Variants in ADAD2 observed in about 807,000 individuals in gnomAD.
ADAD2 encodes the protein adenosine deaminase domain containing 2.
ADAD2 carries 60 observed loss-of-function variants against 54.5 expected under a neutral mutation model. The ratio of observed to expected loss-of-function variants is 1.10; its 90% confidence interval spans 0.89 to 1.36. ADAD2 has a LOEUF of 1.36. ADAD2 is among the 40% of genes most tolerant of loss of function. The pLI is 0.00. For synonymous variants in ADAD2, 543 were observed against 366.2 expected, an observed-to-expected ratio of 1.48 and a Z score of -5.51; for missense variants, 1,103 against 801.3, an observed-to-expected ratio of 1.38 and a Z score of -4.54.
At chr16:84,193,142 T>G (rs1031568904) in intron 1 of ADAD2, 3 of 152,206 alleles carry the variant, frequency 2.0e-5, no homozygotes, top group African/African-American at 7.2e-5. Context: ...CTATATTTCT[T>G]AAAAACAAGG....
chr16:84,191,431 T>G lies in ADAD2; in HGVS notation c.201T>G (p.Ser67Arg). Residue 67 changes from serine (S) to arginine (R), a missense_variant, in exon 1 of 10, where the codon AGT becomes AGG. Ser to Arg is a moderately radical substitution (Grantham distance 110, BLOSUM62 -1). Coordinates refer to ENST00000315906, the MANE Select transcript of ADAD2 (RefSeq NM_001145400.2). ...CCCAGGTCTCGGTGTTGAGGGACAG[T>G]GGGCCTGGGGCAGGGGCCGGAGTCG... The part of the protein sequence containing the change: ...GWPQVSVLRD[S>R]GPGAGAGVGE... 6.6e-7 allele frequency: 1 copy of G among 1,506,810 alleles called. No individual in the cohort carries two copies. Among genetic ancestry groups the G allele is most frequent in the African/African-American group, 1.4e-5 (1 of 71,232 alleles). The allele number at this position is 1,506,810 out of a possible 1,614,324, so 93.3% of individuals were successfully genotyped here. A position where few individuals can be genotyped will look rare whatever the true frequency, so the allele number is the denominator to read the frequency against.
chr16:84,196,071 G>T (rs757525623), intron 7 of ADAD2, 27 bp downstream of exon 7: 3 of 1,599,332 alleles, frequency 1.9e-6, no homozygotes, highest in East Asian at 2.2e-5. Flanking sequence ...GGCTGGGGGG[G>T]TGAGAAGGGA....
chr16:84,191,172 G>T lies in ADAD2; in HGVS notation c.-59G>T, dbSNP rs1454180145. 1.3e-6 allele frequency: 2 copies of T among 1,559,830 alleles called. No homozygotes were observed. The highest frequency in any genetic ancestry group is 1.7e-6 in the Non-Finnish European group (2 of 1,149,414). On this transcript the variant is annotated 5_prime_UTR_variant, in exon 1 of 10. Transcript: ENST00000315906. ...ACGTGAAGGCACCCGCCCTGCGCGT[G>T]TGAAAGGGCGAGAGCAGCGCGAGAT... is the stretch of plus-strand genomic sequence containing the variant.
At chr16:84,193,926 T>C (rs1360687028) in intron 1 of ADAD2, 2 of 1,376,274 alleles carry the variant, frequency 1.5e-6, no homozygotes, top group Non-Finnish European at 2.0e-6. Context: ...CCCTGCACCT[T>C]TGACCATGTG....
Position 84,194,917 on chromosome 16 carries a change from T to G in ADAD2, c.560-16T>G. Reference sequence around the variant, plus strand: ...CCTTGGCACCCACACCAGCCCGCCCTCCTTGCCTCTTTCAGAGTCCCCCCA... The same window carrying G: ...CCTTGGCACCCACACCAGCCCGCCCGCCTTGCCTCTTTCAGAGTCCCCCCA... On this transcript the variant is annotated splice_polypyrimidine_tract_variant and intron_variant, in intron 2 of 9. Coordinates refer to ENST00000315906, the MANE Select transcript of ADAD2 (RefSeq NM_001145400.2). The G allele has an allele frequency of 6.3e-7, 1 of 1,598,258 alleles. No individual in the cohort carries two copies. Among genetic ancestry groups the G allele is most frequent in the Non-Finnish European group, 8.5e-7 (1 of 1,172,856 alleles).
chr16:84,195,269 G>T (rs766604698), intron 4 of ADAD2, 27 bp from the exon 5 acceptor site: 2 of 1,611,808 alleles, frequency 1.2e-6, no homozygotes, highest in Non-Finnish European at 1.7e-6. Flanking sequence ...GCCTTAGGCT[G>T]GGCCGTCTCT....
In ADAD2 at chr16:84,195,369, T is replaced by G; in HGVS notation, c.807T>G (p.Cys269Trp). The G allele has an allele frequency of 2.5e-6, 4 of 1,609,576 alleles. No homozygotes were observed. The South Asian group carries it at 4.4e-5, about 18-fold the overall frequency. Residue 269 changes from cysteine to tryptophan, a missense_variant, in exon 5 of 10, where the codon TGT becomes TGG. Coordinates refer to ENST00000315906, the MANE Select transcript of ADAD2 (RefSeq NM_001145400.2). The stretch of plus-strand genomic sequence containing the variant: ...CTCTGGGCACCGGCAGCAGCTGCTG[T>G]GCTGGCTGGCTGGAGTTCTCGGGCC... ...LVALGTGSSCCAGWLEFSGQQ... is the reference protein window; with the variant it reads ...LVALGTGSSCWAGWLEFSGQQ...
rs760082026 is a variant in ADAD2 at position 84,191,661 on chromosome 16, C to T, written c.418+13C>T. ...GACCAGCCACCAGGTGAGGCCGGGC[C>T]GGGGCATGGCTGTGCCAGAGGGCAG... On this transcript the variant is annotated intron_variant, in intron 1 of 9. Coordinates refer to ENST00000315906, the MANE Select transcript of ADAD2 (RefSeq NM_001145400.2). 4.5e-6 allele frequency: 7 copies of T among 1,553,690 alleles called. No individual in the cohort carries two copies. The highest frequency in any genetic ancestry group is 1.4e-5 in the African/African-American group (1 of 73,400).
chr16:84,196,430 A>G lies in ADAD2; in HGVS notation c.1526+60A>G, dbSNP rs1046168862. 8.3e-6 allele frequency: 13 copies of G among 1,569,504 alleles called. No homozygotes were observed. The Middle Eastern group carries it at 1.2e-3, about 150-fold the overall frequency. ...AGTGCTGGTGATGGAGGGCTCATGC[A>G]TGAGCTTCCTCACCTCAGTCTAATC... is the stretch of plus-strand genomic sequence containing the variant. On this transcript the variant is annotated intron_variant, in intron 8 of 9. Coordinates refer to ENST00000315906, the MANE Select transcript of ADAD2 (RefSeq NM_001145400.2).
At chr16:84,196,469 TTCGCTCAA>T in intron 8 of ADAD2, 99 bp downstream of exon 8, 1 of 696,280 alleles carries the variant, frequency 1.4e-6, no homozygotes, top group East Asian at 4.0e-5. Flanking sequence ...GCGCAACCCC[TTCGCTCAA>T]CCCCTTCGCT....
In ADAD2 at chr16:84,191,318, C is replaced by T. The variant is rs752850039; in HGVS notation, c.88C>T (p.Arg30Cys). ...AASLQISPQP[R>C]PWRPLPAQAQ... ...ATCGTTGCAGATCAGCCCCCAGCCC[C>T]GCCCCTGGCGACCGCTACCCGCCCA... The change falls in exon 1 of 10, where the codon CGC (arginine) becomes TGC (cysteine). Residue 30 changes from arginine to cysteine, a missense_variant. Transcript: ENST00000315906. The T allele has an allele frequency of 1.9e-5, 30 of 1,586,772 alleles. No homozygotes were observed. In the Admixed American group the frequency reaches 2.1e-4, roughly 11 times the overall value.
rs375514079 is a variant in ADAD2, at chr16:84,194,936, C to T, written c.563C>T (p.Ser188Phe). The T allele has an allele frequency of 1.2e-6, 2 of 1,606,264 alleles. No homozygotes were observed. The highest frequency in any genetic ancestry group is 1.7e-6 in the Non-Finnish European group (2 of 1,176,414). ...YIRSQLENPESPQTSSRPPLA... is the reference protein window; with the variant it reads ...YIRSQLENPEFPQTSSRPPLA... Reference sequence around the variant, plus strand: ...CCGCCCTCCTTGCCTCTTTCAGAGTCCCCCCAGACCTCCAGCCGGCCTCCA... The same window carrying T: ...CCGCCCTCCTTGCCTCTTTCAGAGTTCCCCCAGACCTCCAGCCGGCCTCCA... The change falls in exon 3 of 10, where the codon TCC becomes TTC. Residue 188 changes from serine (S) to phenylalanine (F), a missense_variant. By Grantham distance (155) the Ser-to-Phe change is radical (BLOSUM62 -2). Transcript: ENST00000315906.
At position 84,196,985 on chromosome 16, in the gene ADAD2, G is replaced by C. The variant is rs371820085; in HGVS notation, c.*11G>C. On this transcript the variant is annotated 3_prime_UTR_variant, in exon 10 of 10. Transcript: ENST00000315906. The stretch of plus-strand genomic sequence containing the variant: ...AAATTCAGAAACTGAAGCCAGCCTC[G>C]GCGGGACCGAGGTCCCGGAGCCAAG... 1 of 1,581,846 alleles carries C rather than the reference G, an allele frequency of 6.3e-7. No individual in the cohort carries two copies. The highest frequency in any genetic ancestry group is 2.3e-5 in the East Asian group (1 of 43,622).
At position 84,196,012 on chromosome 16, in the gene ADAD2, T is replaced by G. The variant is rs745994557; in HGVS notation, c.1250T>G (p.Val417Gly). ...GLGGALLAHLVSPLYSTSLIL... is the reference protein window; with the variant it reads ...GLGGALLAHLGSPLYSTSLIL... ...GGTGGTGCCCTGCTGGCCCACCTGG[T>G]GTCCCCACTCTACAGCACCAGCCTC... is the stretch of plus-strand genomic sequence containing the variant. Residue 417 changes from valine (V) to glycine (G), a missense_variant, in exon 7 of 10, where the codon GTG (valine) becomes GGG (glycine). Val to Gly is a moderately radical substitution (Grantham distance 109). Transcript: ENST00000315906. The G allele has an allele frequency of 5.0e-6, 8 of 1,598,864 alleles. No homozygotes were observed. Among genetic ancestry groups the G allele is most frequent in the Non-Finnish European group, 6.8e-6 (8 of 1,179,720 alleles).
chr16:84,196,286 C>T lies in ADAD2; in HGVS notation c.1442C>T (p.Thr481Ile), dbSNP rs141742506. ...GCCCCTTCCGAACCCACCCCTGACA[C>T]CTGCCGTGGCCTGAGCCTCAACTGG... ...PVAPSEPTPD[T>I]CRGLSLNWSL... is the part of the protein sequence containing the mutation. Residue 481 changes from threonine (T) to isoleucine (I), a missense_variant, in exon 8 of 10, where the codon ACC becomes ATC. By Grantham distance (89) the Thr-to-Ile change is moderately conservative. Coordinates refer to ENST00000315906, the MANE Select transcript of ADAD2 (RefSeq NM_001145400.2). The T allele has an allele frequency of 0.013, 20,559 of 1,613,000 alleles. 142 individuals are homozygous for T. The highest frequency in any genetic ancestry group is 0.016 in the Non-Finnish European group (18,448 of 1,179,976).
Position 84,195,620 on chromosome 16 carries a change from C to A in ADAD2, c.975C>A (p.Pro325=). 6.2e-7 allele frequency: 1 copy of A among 1,604,950 alleles called. No individual in the cohort carries two copies. Among genetic ancestry groups the A allele is most frequent in the South Asian group, 1.1e-5 (1 of 90,064 alleles). Residue 325 remains proline, a synonymous_variant, in exon 6 of 10, where the codon CCC becomes CCA. Coordinates refer to ENST00000315906, the MANE Select transcript of ADAD2 (RefSeq NM_001145400.2). The part of the protein sequence containing the change: ...SVLAPQPGPG[P]PFTLKPRVFL... ...TGGCCCCCCAGCCAGGGCCCGGACC[C>A]CCATTCACCCTCAAGCCCCGCGTCT...
rs908084172 is a variant in ADAD2 at position 84,195,431 on chromosome 16, G to A, written c.869G>A (p.Arg290His). Residue 290 changes from arginine (R) to histidine (H), a missense_variant, in exon 5 of 10, where the codon CGC becomes CAC. By Grantham distance (29) the Arg-to-His change is conservative (BLOSUM62 0). Transcript: ENST00000315906. ...LHDCHGLVIA[R>H]RALLRFLFRQ... is the part of the protein sequence containing the mutation. ...GACTGCCATGGCCTGGTCATCGCCC[G>A]CAGGGCCCTGCTGAGGTGAGGGGCA... 20 of 1,609,282 alleles carry A rather than the reference G, an allele frequency of 1.2e-5. No individual in the cohort carries two copies. The highest frequency in any genetic ancestry group is 1.2e-4 in the Admixed American group (7 of 59,902).
chr16:84,194,325 G>A (rs749919171), intron 1 of ADAD2, 117 bp from the exon 2 acceptor site: 1 of 1,543,518 alleles, frequency 6.5e-7, no homozygotes, highest in Non-Finnish European at 8.8e-7. Context: ...AGGGAAGGGT[G>A]GTGAGGGTCT....
rs766129197 is a variant in ADAD2 at position 84,195,591 on chromosome 16, G to A, written c.946G>A (p.Val316Met). Residue 316 changes from valine (V) to methionine (M), a missense_variant, in exon 6 of 10, where the codon GTG becomes ATG. Physicochemically the swap from Val to Met is conservative, Grantham distance 21. Coordinates refer to ENST00000315906, the MANE Select transcript of ADAD2 (RefSeq NM_001145400.2). ...GGGCCCCAAGGGCAAGGAGCAGTCC[G>A]TGCTGGCCCCCCAGCCAGGGCCCGG... ...QGGPKGKEQS[V>M]LAPQPGPGPP... 2.4e-5 allele frequency: 39 copies of A among 1,604,018 alleles called. No homozygotes were observed. The highest frequency in any genetic ancestry group is 3.3e-5 in the South Asian group (3 of 89,930).
Sources: gnomAD v4.1 joint callset for allele counts on GRCh38, gnomAD v4.1.1 for gene constraint, MANE v1.5 for transcripts, NCBI Gene and HGNC (gene_info 2026-07-23, HGNC 2026-07-21) for gene names.